Variants in FRMPD4 observed in about 807,000 individuals in gnomAD.
FRMPD4 encodes FERM and PDZ domain-containing protein 4.
In FRMPD4, 22 loss-of-function variants were observed where a neutral mutation model predicts 94.1. That is an observed-to-expected ratio of 0.23 (90% CI 0.17 to 0.33). The LOEUF (loss-of-function observed/expected upper bound fraction) is 0.33, where lower values mean the gene tolerates loss of function less well. Among genes scored for constraint, FRMPD4 ranks in the 10% least tolerant of loss-of-function variants. FRMPD4 has a pLI of 1.00. For missense variants in FRMPD4, 1,111 were observed against 1,339.9 expected, an observed-to-expected ratio of 0.83 and a Z score of 2.67; for synonymous variants, 631 against 548.6, an observed-to-expected ratio of 1.15 and a Z score of -2.10.
rs749041828 is a variant in FRMPD4 at position 11,941,343 on chromosome X, G to T, written c.95+63325G>T. On this transcript the variant is annotated intron_variant, in intron 3 of 18. Transcript: ENST00000640291. ...GGTGATTTTTTTTAACAGTATTGTT[G>T]GGAGGTTTAAGAGGTGATTATTATG... Among the ~76,000 whole-genome samples, 6 of 111,382 alleles carry T rather than the reference G, an allele frequency of 5.4e-5. No homozygotes were observed. In the South Asian group the frequency reaches 2.3e-3, roughly 43 times the overall value.
chrX:11,840,499 A>G (rs2053528138), intron 1 of FRMPD4, among the ~76,000 whole-genome samples: 2 of 110,167 alleles, frequency 1.8e-5, no homozygotes, highest in East Asian at 2.8e-4. Context: ...TATAACCTCA[A>G]AATAATTGCA....
intron 14 of FRMPD4, 93 bp from the exon 15 acceptor site, chrX:12,715,976 T>G: frequency 2.1e-6 from 1 of 477,211 alleles, no homozygotes; most frequent in Non-Finnish European, 3.6e-6. Context: ...CTACAAGCCA[T>G]TAAGTTAAAA....
intron 10 of FRMPD4, among the ~76,000 whole-genome samples, chrX:12,702,895 C>T (rs946531388): frequency 1.8e-5 from 2 of 112,544 alleles, no homozygotes; most frequent in Non-Finnish European, 3.8e-5. Context: ...ACTTGGCTCA[C>T]AAAGAGATCT....
intron 1 of FRMPD4, among the ~76,000 whole-genome samples, chrX:12,222,383 T>C (rs1384416603): frequency 1.8e-5 from 2 of 112,103 alleles, no homozygotes; most frequent in Non-Finnish European, 3.8e-5. Context: ...AAAACAAATA[T>C]AATTCAGGCT....
At chrX:12,521,591 A>T in intron 2 of FRMPD4, among the ~76,000 whole-genome samples, 1 of 112,715 alleles carries the variant, frequency 8.9e-6, no homozygotes, top group Non-Finnish European at 1.9e-5. Flanking sequence ...CATGTGGCTA[A>T]GCAATTGTTC....
chrX:12,577,279 A>G (rs1198413566), intron 2 of FRMPD4, among the ~76,000 whole-genome samples: 1 of 111,514 alleles, frequency 9.0e-6, no homozygotes, highest in Non-Finnish European at 1.9e-5. Flanking sequence ...TATGCAGGCA[A>G]TGGTAATTGA....
chrX:12,469,877 G>A (rs1372614005), intron 1 of FRMPD4, among the ~76,000 whole-genome samples: 1 of 112,536 alleles, frequency 8.9e-6, no homozygotes, highest in Non-Finnish European at 1.9e-5. Flanking sequence ...ACCTGTTATT[G>A]AGAGACTATT....
chrX:12,516,822 G>A (rs190640365), intron 2 of FRMPD4, among the ~76,000 whole-genome samples: 1 of 110,047 alleles, frequency 9.1e-6, no homozygotes, highest in South Asian at 4.0e-4. Context: ...GTCTCTTTCC[G>A]GTACTCAATC....
At chrX:12,479,915 G>A (rs1432118208) in intron 1 of FRMPD4, among the ~76,000 whole-genome samples, 1 of 110,152 alleles carries the variant, frequency 9.1e-6, no homozygotes, top group Non-Finnish European at 1.9e-5. Context: ...ATGAGATAAT[G>A]TCTGCAGAGT....
intron 3 of FRMPD4, among the ~76,000 whole-genome samples, chrX:11,879,076 AAACCTTTTTTT>A (rs2053800101): frequency 8.9e-6 from 1 of 112,331 alleles, no homozygotes; most frequent in Non-Finnish European, 1.9e-5. Context: ...AGTGCAAATG[AAACCTTTTTTT>A]GTTATGCAGT....
intron 4 of FRMPD4, among the ~76,000 whole-genome samples, chrX:12,659,540 A>G (rs1321784077): frequency 1.8e-5 from 2 of 112,487 alleles, no homozygotes; most frequent in African/African-American, 6.5e-5. Flanking sequence ...GGTTCTACCC[A>G]TTAGCACTTC....
At chrX:12,085,545 A>C (rs1601927563) in intron 3 of FRMPD4, among the ~76,000 whole-genome samples, 1 of 110,891 alleles carries the variant, frequency 9.0e-6, no homozygotes, top group African/African-American at 3.3e-5. Flanking sequence ...CTCTTAAAGA[A>C]ATTAGTGAAT....
At chrX:11,905,168 G>C (rs917024931) in intron 3 of FRMPD4, among the ~76,000 whole-genome samples, 6 of 112,142 alleles carry the variant, frequency 5.4e-5, no homozygotes, top group Non-Finnish European at 1.1e-4. Flanking sequence ...AAGACTGCTG[G>C]GGGAACATCC....
At chrX:12,281,368 A>C (rs1292957746) in intron 1 of FRMPD4, among the ~76,000 whole-genome samples, 2 of 106,220 alleles carry the variant, frequency 1.9e-5, no homozygotes, top group African/African-American at 6.7e-5. Flanking sequence ...TTTTTTAAAA[A>C]AGTCTTTTTT....
chrX:12,439,997 GTATGACGTT>G (rs1473018206), intron 1 of FRMPD4, among the ~76,000 whole-genome samples: 1 of 111,616 alleles, frequency 9.0e-6, no homozygotes, highest in Admixed American at 9.5e-5. Flanking sequence ...GCCAGCTCCC[GTATGACGTT>G]TAAAAAGTCA....
intron 9 of FRMPD4, among the ~76,000 whole-genome samples, chrX:12,696,953 T>G (rs1395630828): frequency 1.8e-5 from 2 of 111,641 alleles, no homozygotes; most frequent in Non-Finnish European, 3.8e-5. Context: ...TACAAGAATG[T>G]TCTAGCAGAT....
intron 2 of FRMPD4, among the ~76,000 whole-genome samples, chrX:12,546,599 C>T (rs1452428000): frequency 8.9e-6 from 1 of 111,950 alleles, no homozygotes; most frequent in Non-Finnish European, 1.9e-5. Flanking sequence ...ATATACTCTT[C>T]TATAATGTTA....
chrX:11,858,490 G>A (rs928376365), intron 1 of FRMPD4, among the ~76,000 whole-genome samples: 5 of 111,155 alleles, frequency 4.5e-5, no homozygotes, highest in African/African-American at 1.3e-4. Context: ...CTTATAAATG[G>A]GAGCTAAATG....
rs1456991919 is a variant in FRMPD4 at position 12,634,792 on chromosome X, A to G, written c.422+19911A>G. Among the ~76,000 whole-genome samples, 3 of 88,499 alleles carry G rather than the reference A, an allele frequency of 3.4e-5. No homozygotes were observed. In the South Asian group the frequency reaches 1.6e-3, roughly 48 times the overall value. The allele number at this position is 88,499 out of a possible 115,157, so 76.9% of individuals were successfully genotyped here. The stretch of plus-strand genomic sequence containing the variant: ...AGGCCCTTAAAGGTAGCCTTCCCCT[A>G]TAGTTTTCTTTTCTCTATGAAGTCC... On this transcript the variant is annotated intron_variant, in intron 4 of 16. Transcript: ENST00000675598.
Sources: allele counts gnomAD v4.1 joint callset (sites outside exome capture counted in the v4.1 genomes callset), GRCh38; gene constraint gnomAD v4.1.1; transcripts MANE v1.5; gene names NCBI Gene and HGNC (gene_info 2026-07-23, HGNC 2026-07-21).